TIMELESS: variants seen among roughly 807,000 people sequenced by gnomAD.
TIMELESS encodes timeless circadian regulator, also known as protein timeless homolog.
TIMELESS carries 124 observed loss-of-function variants against 164.3 expected under a neutral mutation model. The ratio of observed to expected loss-of-function variants is 0.75; its 90% CI spans 0.65 to 0.88. The LOEUF (loss-of-function observed/expected upper bound fraction) is 0.88, where lower values mean the gene tolerates loss of function less well. Ranked by LOEUF, TIMELESS falls within the 40% of genes least tolerant of loss-of-function variation. The probability of loss-of-function intolerance (pLI) is 0.00; values close to 1 mark genes in which losing one functional copy is unlikely to be tolerated. For missense variants in TIMELESS, 1,422 were observed against 1,491.4 expected, an observed-to-expected ratio of 0.95 and a Z score of 0.77; for synonymous variants, 564 against 563.4, an observed-to-expected ratio of 1.00 and a Z score of -0.02.
rs1206495685 is a variant in TIMELESS at position 56,433,566 on chromosome 12, A to C, written c.338T>G (p.Val113Gly). Residue 113 changes from valine (V) to glycine (G), a missense_variant, in exon 4 of 29, where the codon GTG becomes GGG. Transcript: ENST00000553532. ...TTTGTAGGCCTGCAAATAAGTTAGC[A>C]CCTGCAAAAAATGGTGCCGAAAGCT... is the stretch of plus-strand genomic sequence containing the variant. ...EPSFRHHFLQ[V>G]LTYLQAYKEA... 6.2e-7 allele frequency: 1 copy of C among 1,614,118 alleles called. No homozygotes were observed. The highest frequency in any genetic ancestry group is 8.5e-7 in the Non-Finnish European group (1 of 1,180,052).
Position 56,434,245 on chromosome 12 carries a change from G to C in TIMELESS, c.-61-14C>G. 2.4e-6 allele frequency: 3 copies of C among 1,240,718 alleles called. No individual in the cohort carries two copies. Among genetic ancestry groups the C allele is most frequent in the South Asian group, 1.2e-5 (1 of 81,016 alleles). The allele number at this position is 1,240,718 out of a possible 1,614,324, so 76.9% of individuals were successfully genotyped here. Reference sequence around the variant, plus strand: ...AAATGATGAGGCCTGGAGAAATAGAGAAAGATAAAAAATGTAAGTTCCTCT... The same window carrying C: ...AAATGATGAGGCCTGGAGAAATAGACAAAGATAAAAAATGTAAGTTCCTCT... On this transcript the variant is annotated splice_polypyrimidine_tract_variant and intron_variant, in intron 1 of 28. Coordinates refer to ENST00000553532, the MANE Select transcript of TIMELESS (RefSeq NM_003920.5).
chr12:56,437,745 CAA>C lies in TIMELESS; in HGVS notation c.-61-3516_-61-3515del, dbSNP rs1331488407. 3.3e-5 allele frequency among the ~76,000 whole-genome samples: 5 copies of C among 152,246 alleles called. No individual in the cohort carries two copies. The East Asian group carries it at 7.7e-4, about 23-fold the overall frequency. ...ACCAGCAAGGGGCAGCTCTTCAGGG[CAA>C]GTCATATGCATCAAAGAGAAAAAGT... On this transcript the variant is annotated intron_variant, in intron 1 of 28. Coordinates refer to ENST00000553532, the MANE Select transcript of TIMELESS (RefSeq NM_003920.5).
Position 56,420,803 on chromosome 12 carries a change from G to C in TIMELESS, c.3109+10C>G. 6.2e-7 allele frequency: 1 copy of C among 1,614,146 alleles called. No individual in the cohort carries two copies. Among genetic ancestry groups the C allele is most frequent in the Middle Eastern group, 1.6e-4 (1 of 6,062 alleles). ...GGCTCTTCTCCTAAAAGTGTCACCT[G>C]TCCACTCACCATCCTCTTCCCGATC... On this transcript the variant is annotated intron_variant, in intron 25 of 28. Transcript: ENST00000553532.
rs1240283816 is a variant in TIMELESS at position 56,421,729 on chromosome 12, T to A, written c.2723A>T (p.Asp908Val). The A allele has an allele frequency of 1.2e-6, 2 of 1,613,952 alleles. No homozygotes were observed. The highest frequency in any genetic ancestry group is 2.2e-5 in the East Asian group (1 of 44,894). Residue 908 changes from aspartate to valine, a missense_variant and splice_region_variant, in exon 22 of 29, where the codon GAT (aspartate) becomes GTT (valine). Transcript: ENST00000553532. ...QRLFEEFRDS[D>V]DVLGHIMKNI... is the part of the protein sequence containing the mutation. ...CCCTGAGTTTCCAGCTTACTCACCA[T>A]CTGAGTCCCGGAATTCCTCAAAAAG...
rs193026053 is a variant in TIMELESS at position 56,448,426 on chromosome 12, C to T, written c.-62+884G>A. ...ATCTCAAAAACAAAACAAAACAAAA[C>T]AACCAAAAAAAACAAACAGGCCAGG... is the stretch of plus-strand genomic sequence containing the variant. On this transcript the variant is annotated intron_variant, in intron 1 of 28. Transcript: ENST00000553532. Among the ~76,000 whole-genome samples, 1,384 of 141,448 alleles carry T rather than the reference C, an allele frequency of 9.8e-3. 3 individuals carry two copies. The highest frequency in any genetic ancestry group is 0.013 in the Non-Finnish European group (860 of 64,718). The allele number at this position is 141,448 out of a possible 152,430, so 92.8% of individuals were successfully genotyped here.
Position 56,423,584 on chromosome 12 carries a change from C to A in TIMELESS, c.2090G>T (p.Arg697Leu), listed in dbSNP as rs776731579. 6.2e-7 allele frequency: 1 copy of A among 1,613,998 alleles called. No homozygotes were observed. Among genetic ancestry groups the A allele is most frequent in the Non-Finnish European group, 8.5e-7 (1 of 1,180,000 alleles). Residue 697 changes from arginine to leucine, a missense_variant and splice_region_variant, in exon 17 of 29, where the codon CGC (arginine) becomes CTC (leucine). Coordinates refer to ENST00000553532, the MANE Select transcript of TIMELESS (RefSeq NM_003920.5). ...KEFNFLDYLK[R>L]FACSTVVRAY... ...CCAACTCAGGCCTCTCAGCCCGCACCGTTTCAGGTAGTCCAGAAAATTAAA... is the reference window on the plus strand; with the variant it reads ...CCAACTCAGGCCTCTCAGCCCGCACAGTTTCAGGTAGTCCAGAAAATTAAA...
At chr12:56,442,102 AGAAATGTAGTTGCAGAAATAAAAT>A (rs1868283656) in intron 1 of TIMELESS, among the ~76,000 whole-genome samples, 1 of 126,274 alleles carries the variant, frequency 7.9e-6, no homozygotes, top group Non-Finnish European at 1.9e-5. Flanking sequence ...AAAAAAAAAA[AGAAATGTAGTTGCAGAAATAAAAT>A]CCACAAATAT....
chr12:56,430,338 GCT>G (rs1217032942), intron 9 of TIMELESS, 57 bp from the exon 10 acceptor site: 1 of 1,536,318 alleles, frequency 6.5e-7, no homozygotes, highest in Non-Finnish European at 8.8e-7. Context: ...TCCCCTTGCA[GCT>G]CTCGTCAATT....
chr12:56,449,153 G>C (rs1868475818), intron 1 of TIMELESS, among the ~76,000 whole-genome samples, 157 bp downstream of exon 1: 1 of 152,288 alleles, frequency 6.6e-6, no homozygotes, highest in Non-Finnish European at 1.5e-5. Flanking sequence ...AAGGAGCAGA[G>C]TACAGAATTG....
chr12:56,432,223 G>C, intron 7 of TIMELESS, 146 bp downstream of exon 7: 1 of 821,470 alleles, frequency 1.2e-6, no homozygotes, highest in South Asian at 2.3e-5. Flanking sequence ...CATGAATAAG[G>C]GGGTACTACT....
chr12:56,421,606 A>C, intron 22 of TIMELESS, 113 bp from the exon 23 acceptor site: 1 of 1,507,832 alleles, frequency 6.6e-7, no homozygotes, highest in Non-Finnish European at 9.2e-7. Context: ...TGACACTTAC[A>C]AATATAGTAA....
chr12:56,433,454 G>A lies in TIMELESS; in HGVS notation c.367-11C>T, dbSNP rs1334877236. 2 of 1,614,094 alleles carry A rather than the reference G, an allele frequency of 1.2e-6. No individual in the cohort carries two copies. The highest frequency in any genetic ancestry group is 1.7e-6 in the Non-Finnish European group (2 of 1,180,042). On this transcript the variant is annotated splice_polypyrimidine_tract_variant and intron_variant, in intron 4 of 28. Coordinates refer to ENST00000553532, the MANE Select transcript of TIMELESS (RefSeq NM_003920.5). ...CTCACTGGCAAAGGCCTGTGAAATA[G>A]GGAACCTGATCTTAAGTAGCAGTCA...
chr12:56,433,843 G>C lies in TIMELESS; in HGVS notation c.181C>G (p.Leu61Val). ...AGGATGGGCAGAAGGTCGCTCTGTA[G>C]GATCTGGGCTGCCCCCAGCTGCTGC... ...VRQQLGAAQI[L>V]QSDLLPILTQ... Residue 61 changes from leucine (L) to valine (V), a missense_variant, in exon 3 of 29, where the codon CTA (leucine) becomes GTA (valine). By Grantham distance (32) the Leu-to-Val change is conservative. Transcript: ENST00000553532. 1.2e-6 allele frequency: 2 copies of C among 1,614,186 alleles called. No individual in the cohort carries two copies. The highest frequency in any genetic ancestry group is 1.7e-6 in the Non-Finnish European group (2 of 1,180,038).
intron 1 of TIMELESS, among the ~76,000 whole-genome samples, chr12:56,438,805 A>G (rs1592255532): frequency 6.8e-6 from 1 of 146,662 alleles, no homozygotes; most frequent in South Asian, 2.1e-4. Context: ...AAAAAAAAAA[A>G]GGAATGGAAT....
intron 1 of TIMELESS, among the ~76,000 whole-genome samples, 165 bp downstream of exon 1, chr12:56,449,145 G>A (rs1455391392): frequency 1.3e-5 from 2 of 152,276 alleles, no homozygotes; most frequent in South Asian, 2.1e-4. Flanking sequence ...GGGAGACTAA[G>A]GAGCAGAGTA....
Position 56,433,852 on chromosome 12 carries a change from C to A in TIMELESS, c.172G>T (p.Ala58Ser), listed in dbSNP as rs372802757. 5.0e-6 allele frequency: 8 copies of A among 1,614,144 alleles called. No individual in the cohort carries two copies. In the South Asian group the frequency reaches 8.8e-5, roughly 18 times the overall value. ...TRDVRQQLGAAQILQSDLLPI... is the reference protein window; with the variant it reads ...TRDVRQQLGASQILQSDLLPI... Reference sequence around the variant, plus strand: ...AGAAGGTCGCTCTGTAGGATCTGGGCTGCCCCCAGCTGCTGCCGCACATCT... The same window carrying A: ...AGAAGGTCGCTCTGTAGGATCTGGGATGCCCCCAGCTGCTGCCGCACATCT... Residue 58 changes from alanine (A) to serine (S), a missense_variant, in exon 3 of 29, where the codon GCC becomes TCC. Coordinates refer to ENST00000553532, the MANE Select transcript of TIMELESS (RefSeq NM_003920.5).
At chr12:56,440,937 C>T (rs1053521941) in intron 1 of TIMELESS, among the ~76,000 whole-genome samples, 2 of 152,146 alleles carry the variant, frequency 1.3e-5, no homozygotes, top group Non-Finnish European at 1.5e-5. Context: ...CGTGCCTCAG[C>T]CTCCCAAGTA....
At chr12:56,418,852 C>A (rs1452543262) in intron 26 of TIMELESS, among the ~76,000 whole-genome samples, 1 of 151,586 alleles carries the variant, frequency 6.6e-6, no homozygotes, top group African/African-American at 2.4e-5. Context: ...CAGGCATGAG[C>A]CACTACACCT....
Position 56,421,480 on chromosome 12 carries a change from A to G in TIMELESS, c.2739T>C (p.His913=). 6.2e-7 allele frequency: 1 copy of G among 1,613,424 alleles called. No individual in the cohort carries two copies. The highest frequency in any genetic ancestry group is 2.2e-5 in the East Asian group (1 of 44,872). ...GTTTGGCTGTGATATTCTTCATGAT[A>G]TGACCCAGGACATCTATAAAAAGCA... ...EFRDSDDVLG[H]IMKNITAKRS... Residue 913 remains histidine, a synonymous_variant, in exon 23 of 29, where the codon CAT becomes CAC. Coordinates refer to ENST00000553532, the MANE Select transcript of TIMELESS (RefSeq NM_003920.5).
Sources: gnomAD v4.1 joint callset for allele counts (sites outside exome capture counted in the v4.1 genomes callset) on GRCh38, gnomAD v4.1.1 for gene constraint, MANE v1.5 for transcripts, NCBI Gene and HGNC (gene_info 2026-07-23, HGNC 2026-07-21) for gene names.